GRIN2A: variants seen among roughly 807,000 people sequenced by gnomAD.
GRIN2A encodes the protein glutamate receptor ionotropic, NMDA 2A.
Under a neutral mutation model 113.4 loss-of-function variants are expected in GRIN2A, and 22 were observed. The observed-to-expected ratio is 0.19, with a 90% CI of 0.14 to 0.28. GRIN2A has a LOEUF of 0.28. GRIN2A is among the 10% of genes least tolerant of loss of function. The probability of loss-of-function intolerance (pLI) is 1.00; values close to 1 mark genes in which losing one functional copy is unlikely to be tolerated. For missense variants in GRIN2A, 1,502 were observed against 1,887.0 expected, an observed-to-expected ratio of 0.80 and a Z score of 3.78; for synonymous variants, 827 against 738.4, an observed-to-expected ratio of 1.12 and a Z score of -1.94.
intron 4 of GRIN2A, among the ~76,000 whole-genome samples, chr16:9,883,324 G>T (rs2043521306): frequency 6.6e-6 from 1 of 152,240 alleles, no homozygotes; most frequent in Non-Finnish European, 1.5e-5. Context: ...TTGTGGTGAA[G>T]CTGAAAAAAC....
chr16:9,867,165 G>C (rs113526356), intron 4 of GRIN2A, among the ~76,000 whole-genome samples: 12 of 152,184 alleles, frequency 7.9e-5, no homozygotes, highest in African/African-American at 2.9e-4. Context: ...CCAACTCTGA[G>C]TCAATCCCAC....
intron 2 of GRIN2A, among the ~76,000 whole-genome samples, chr16:9,976,290 C>T (rs2045772240): frequency 6.6e-6 from 1 of 152,142 alleles, no homozygotes; most frequent in African/African-American, 2.4e-5. Context: ...GGCTGTGTAC[C>T]ACCTAAAGCC....
intron 2 of GRIN2A, among the ~76,000 whole-genome samples, chr16:9,993,945 C>T (rs2046174825): frequency 6.6e-6 from 1 of 152,282 alleles, no homozygotes. Context: ...TTCTGTTGCA[C>T]CATCATGTCT....
chr16:10,075,835 G>T (rs2142042464), intron 2 of GRIN2A, among the ~76,000 whole-genome samples: 1 of 151,974 alleles, frequency 6.6e-6, no homozygotes, highest in African/African-American at 2.4e-5. Flanking sequence ...CCAAAATAGA[G>T]AATTAAATAT....
At chr16:9,881,000 A>T (rs1312828081) in intron 4 of GRIN2A, among the ~76,000 whole-genome samples, 2 of 152,180 alleles carry the variant, frequency 1.3e-5, no homozygotes, top group African/African-American at 2.4e-5. Flanking sequence ...ACCCTCAGAT[A>T]TGACTTGCAC....
At chr16:10,094,931 G>C (rs1373471163) in intron 2 of GRIN2A, among the ~76,000 whole-genome samples, 2 of 142,212 alleles carry the variant, frequency 1.4e-5, no homozygotes, top group African/African-American at 5.2e-5. Context: ...ATGGAATTTT[G>C]TCCCCTACAA....
chr16:9,858,801 A>C (rs928219731), intron 4 of GRIN2A, among the ~76,000 whole-genome samples: 1 of 152,216 alleles, frequency 6.6e-6, no homozygotes, highest in African/African-American at 2.4e-5. Flanking sequence ...AAGTTAATAT[A>C]CACCTCTTAT....
At chr16:9,906,427 T>A (rs2044029133) in intron 3 of GRIN2A, among the ~76,000 whole-genome samples, 1 of 152,226 alleles carries the variant, frequency 6.6e-6, no homozygotes, top group Admixed American at 6.5e-5. Flanking sequence ...TTCTGGTTAC[T>A]TTCATTTCCT....
intron 3 of GRIN2A, among the ~76,000 whole-genome samples, chr16:9,931,099 C>T (rs933345190): frequency 6.6e-6 from 1 of 151,832 alleles, no homozygotes; most frequent in Non-Finnish European, 1.5e-5. Flanking sequence ...TTTTTTTGCC[C>T]CCTCATTTGT....
chr16:9,842,973 A>AGAGGG (rs1475102548), intron 5 of GRIN2A, among the ~76,000 whole-genome samples: 4 of 100,062 alleles, frequency 4.0e-5, no homozygotes, highest in South Asian at 2.9e-4. Context: ...GAGAGAGAGG[A>AGAGGG]AGAAAGAAAG....
intron 2 of GRIN2A, among the ~76,000 whole-genome samples, chr16:9,984,795 T>C (rs1384066622): frequency 6.6e-6 from 1 of 152,250 alleles, no homozygotes; most frequent in African/African-American, 2.4e-5. Flanking sequence ...CATGGGGGCA[T>C]CCTGTCTCAT....
intron 2 of GRIN2A, among the ~76,000 whole-genome samples, chr16:10,017,106 G>T (rs948975932): frequency 2.0e-5 from 3 of 152,154 alleles, no homozygotes; most frequent in Admixed American, 6.5e-5. Context: ...GTCCAGAGCC[G>T]ACAATGAGCA....
intron 2 of GRIN2A, among the ~76,000 whole-genome samples, chr16:9,973,408 C>T (rs1268981370): frequency 1.3e-5 from 2 of 152,292 alleles, no homozygotes; most frequent in East Asian, 1.9e-4. Context: ...GATGAAGTCA[C>T]TTAAGTCAGA....
intron 4 of GRIN2A, among the ~76,000 whole-genome samples, chr16:9,877,702 C>T (rs1282666117): frequency 2.3e-5 from 3 of 132,086 alleles, no homozygotes; most frequent in Non-Finnish European, 3.2e-5. Flanking sequence ...CTCTTCAGGC[C>T]CTCTCTATCT....
intron 2 of GRIN2A, among the ~76,000 whole-genome samples, chr16:10,062,977 G>A (rs1181219587): frequency 6.6e-6 from 1 of 152,068 alleles, no homozygotes; most frequent in Non-Finnish European, 1.5e-5. Context: ...ATCAACCTAG[G>A]TGCCCATCAG....
chr16:9,917,435 C>T (rs2044274165), intron 3 of GRIN2A, among the ~76,000 whole-genome samples: 1 of 152,196 alleles, frequency 6.6e-6, no homozygotes, highest in Non-Finnish European at 1.5e-5. Flanking sequence ...TGTCCACTAA[C>T]AATGTGACCT....
intron 2 of GRIN2A, among the ~76,000 whole-genome samples, chr16:10,084,688 C>T (rs1017155084): frequency 3.9e-5 from 6 of 152,090 alleles, no homozygotes; most frequent in African/African-American, 1.4e-4. Context: ...AATTAATCTC[C>T]CTCATCTGAC....
At chr16:10,135,259 A>G (rs573226269) in intron 2 of GRIN2A, among the ~76,000 whole-genome samples, 2 of 152,318 alleles carry the variant, frequency 1.3e-5, no homozygotes, top group Non-Finnish European at 2.9e-5. Context: ...CCAGTTTTCA[A>G]TAACATTTCC....
In GRIN2A at chr16:9,965,323, C is replaced by T. The variant is rs554822921; in HGVS notation, c.415-26772G>A. Among the ~76,000 whole-genome samples the T allele has an allele frequency of 2.2e-4, 33 of 152,238 alleles. No homozygotes were observed. The South Asian group carries it at 4.6e-3, about 21-fold the overall frequency. Reference sequence around the variant, plus strand: ...CAAATGGCTACAGCCTGGTGGTAAACGGAACTTTGTTAACCATTTGCAAAA... The same window carrying T: ...CAAATGGCTACAGCCTGGTGGTAAATGGAACTTTGTTAACCATTTGCAAAA... On this transcript the variant is annotated intron_variant, in intron 2 of 12. Coordinates refer to ENST00000330684, the MANE Select transcript of GRIN2A (RefSeq NM_001134407.3).
Sources: gnomAD v4.1 joint callset for allele counts (sites outside exome capture counted in the v4.1 genomes callset) on GRCh38, gnomAD v4.1.1 for gene constraint, MANE v1.5 for transcripts, NCBI Gene and HGNC (gene_info 2026-07-23, HGNC 2026-07-21) for gene names.